Variants in CTSA observed in about 807,000 individuals in gnomAD.
The protein encoded by CTSA is cathepsin A.
A neutral mutation model predicts 66.7 loss-of-function variants in CTSA; 42 were observed. The ratio of observed to expected loss-of-function variants is 0.63; its 90% CI spans 0.49 to 0.81. The LOEUF is 0.81. Among genes scored for constraint, CTSA ranks in the 40% least tolerant of loss-of-function variants. The pLI is 0.00. For synonymous variants in CTSA, 225 were observed against 248.6 expected, an observed-to-expected ratio of 0.91 and a Z score of 0.89; for missense variants, 525 against 610.9, an observed-to-expected ratio of 0.86 and a Z score of 1.48.
intron 3 of CTSA, 42 bp from the exon 4 acceptor site, chr20:45,892,231 G>T (rs1157796322): frequency 6.2e-7 from 1 of 1,607,754 alleles, no homozygotes; most frequent in South Asian, 1.1e-5. Context: ...CCTCCACCCA[G>T]CTGGCCCTTG....
At chr20:45,893,443 A>C (rs1242960784) in intron 7 of CTSA, 132 bp downstream of exon 7, 1 of 728,264 alleles carries the variant, frequency 1.4e-6, no homozygotes, top group East Asian at 2.6e-5. Flanking sequence ...GAAAGAACCT[A>C]GTGCTGAAAG....
rs933281472 is a variant in CTSA, at chr20:45,891,494, G to T, written c.1-75G>T. The T allele has an allele frequency of 3.8e-4, 583 of 1,549,112 alleles. No individual in the cohort carries two copies. The highest frequency in any genetic ancestry group is 4.8e-4 in the Non-Finnish European group (556 of 1,147,972). ...CCGGGGCTTCCCTCGCGGAGGCGCC[G>T]CCAGCAACTCCCCGGGGGCTGCTGC... On this transcript the variant is annotated intron_variant, in intron 1 of 14. Coordinates refer to ENST00000646241, the MANE Select transcript of CTSA (RefSeq NM_000308.4). The surrounding 1 kb of genome is among the most constrained non-coding windows in gnomAD (Gnocchi z 4.6).
rs1031252355 is a variant in CTSA at position 45,898,296 on chromosome 20, G to GC, written c.1360-66dup. 2 of 1,413,766 alleles carry GC rather than the reference G, an allele frequency of 1.4e-6. No individual in the cohort carries two copies. The highest frequency in any genetic ancestry group is 2.8e-5 in the African/African-American group (2 of 70,680). 87.6% of individuals were successfully genotyped at this position (1,413,766 alleles called of 1,614,324 possible). A position where few individuals can be genotyped will look rare whatever the true frequency, so the allele number is the denominator to read the frequency against. On this transcript the variant is annotated intron_variant, in intron 14 of 14. Coordinates refer to ENST00000646241, the MANE Select transcript of CTSA (RefSeq NM_000308.4). This position sits in a 1 kb window ranked among gnomAD's most constrained non-coding sequence, Gnocchi z 4.6. Reference sequence around the variant, plus strand: ...ATAAAGGGTTTGGGATGAAGGAATTGCCCCCGAGTGAGCAGTTATATGGGG... The same window carrying GC: ...ATAAAGGGTTTGGGATGAAGGAATTGCCCCCCGAGTGAGCAGTTATATGGGG...
intron 11 of CTSA, chr20:45,896,246 C>CCCCCG (rs953261212): frequency 2.7e-5 from 4 of 148,622 alleles, no homozygotes; most frequent in African/African-American, 1.0e-4. Context: ...CTGTGGCCAC[C>CCCCCG]CCCCCCCACA....
chr20:45,898,177 C>A lies in CTSA; in HGVS notation c.1359+68C>A. On this transcript the variant is annotated intron_variant, in intron 14 of 14. Transcript: ENST00000646241. The surrounding 1 kb of genome is among the most constrained non-coding windows in gnomAD (Gnocchi z 4.6). ...AGGAGCAGGACCCACCCGTCCTTTC[C>A]CTCTGGCTGCCTTTTAGGCTGGGTC... is the stretch of plus-strand genomic sequence containing the variant. The A allele has an allele frequency of 6.5e-7, 1 of 1,530,616 alleles. No homozygotes were observed. Among genetic ancestry groups the A allele is most frequent in the Non-Finnish European group, 9.0e-7 (1 of 1,109,348 alleles). 94.8% of individuals were successfully genotyped at this position (1,530,616 alleles called of 1,614,324 possible).
intron 11 of CTSA, chr20:45,896,546 C>T: frequency 3.9e-6 from 1 of 259,250 alleles, no homozygotes; most frequent in Non-Finnish European, 7.7e-6. Flanking sequence ...GATTCTCCTG[C>T]CTCAGCCTTC....
Position 45,891,737 on chromosome 20 carries a change from T to C in CTSA, c.169T>C (p.Ser57Pro). 6.2e-7 allele frequency: 1 copy of C among 1,613,710 alleles called. No individual in the cohort carries two copies. The highest frequency in any genetic ancestry group is 8.5e-7 in the Non-Finnish European group (1 of 1,180,018). The change falls in exon 2 of 15, where the codon TCC (serine) becomes CCC (proline). Residue 57 changes from serine (S) to proline (P), a missense_variant. By Grantham distance (74) the Ser-to-Pro change is moderately conservative. Transcript: ENST00000646241. The surrounding 1 kb of genome is among the most constrained non-coding windows in gnomAD (Gnocchi z 4.6). ...FRQYSGYLKG[S>P]GSKHLHYWFV... Reference sequence around the variant, plus strand: ...CCAGTACTCCGGCTACCTCAAAGGCTCCGGCTCCAAGCACCTCCACTACTG... The same window carrying C: ...CCAGTACTCCGGCTACCTCAAAGGCCCCGGCTCCAAGCACCTCCACTACTG...
chr20:45,896,829 C>T (rs913031216), intron 11 of CTSA, 136 bp from the exon 12 acceptor site: 1 of 778,004 alleles, frequency 1.3e-6, no homozygotes, highest in East Asian at 2.5e-5. Flanking sequence ...GAGGTGGCCC[C>T]CCCCCAAAAA....
intron 11 of CTSA, 177 bp downstream of exon 11, chr20:45,895,310 T>A: frequency 2.7e-6 from 2 of 749,920 alleles, no homozygotes; most frequent in African/African-American, 3.5e-5. Context: ...CATTCTTTTA[T>A]CTTTTTTAAA....
Position 45,898,389 on chromosome 20 carries a change from C to A in CTSA, c.1382C>A (p.Thr461Asn), listed in dbSNP as rs149971062. ...TIKGAGHMVP[T>N]DKPLAAFTMF... ...CAGGGCGCCGGCCACATGGTTCCCA[C>A]CGACAAGCCCCTCGCTGCCTTCACC... is the stretch of plus-strand genomic sequence containing the variant. The change falls in exon 15 of 15, where the codon ACC (threonine) becomes AAC (asparagine). Residue 461 changes from threonine (T) to asparagine (N), a missense_variant. By Grantham distance (65) the Thr-to-Asn change is moderately conservative. This residue lies in a region of CTSA where 274 missense variants were observed against 321.1 expected (regional missense o/e 0.85). Transcript: ENST00000646241. The surrounding 1 kb of genome is among the most constrained non-coding windows in gnomAD (Gnocchi z 4.6). 1.2e-5 allele frequency: 19 copies of A among 1,614,044 alleles called. No individual in the cohort carries two copies. In the Admixed American group the frequency reaches 3.0e-4, roughly 25 times the overall value.
intron 8 of CTSA, chr20:45,894,347 A>G: frequency 1.6e-6 from 1 of 609,346 alleles, no homozygotes; most frequent in Non-Finnish European, 2.9e-6. Context: ...GTGTCTATGT[A>G]GATTATTTAA....
At chr20:45,893,374 C>T (rs1987077038) in intron 7 of CTSA, 63 bp downstream of exon 7, 1 of 1,224,292 alleles carries the variant, frequency 8.2e-7, no homozygotes, top group Admixed American at 1.7e-5. Flanking sequence ...TCAGGTCTGT[C>T]CTCCAGGCAC....
Position 45,894,973 on chromosome 20 carries a change from C to T in CTSA, c.949-21C>T, listed in dbSNP as rs761504083. The T allele has an allele frequency of 5.6e-6, 9 of 1,614,010 alleles. No homozygotes were observed. In the South Asian group the frequency reaches 8.8e-5, roughly 16 times the overall value. On this transcript the variant is annotated intron_variant, in intron 10 of 14. Coordinates refer to ENST00000646241, the MANE Select transcript of CTSA (RefSeq NM_000308.4). ...AGGGGCAGGGAAGCAGAGGCCCTGA[C>T]CCACTGTCTGTGCCTTCCAGGCACT... is the stretch of plus-strand genomic sequence containing the variant.
Position 45,898,632 on chromosome 20 carries a change from TTAGCACTTTATTCCC to T in CTSA, c.*183_*197del. ...CTCCCATAGACAGCCTGGGGGCAAG[TTAGCACTTTATTCCC>T]GCAGCAGTTCCTGAATGGGGTGGCC... On this transcript the variant is annotated 3_prime_UTR_variant, in exon 15 of 15. Coordinates refer to ENST00000646241, the MANE Select transcript of CTSA (RefSeq NM_000308.4). This position sits in a 1 kb window ranked among gnomAD's most constrained non-coding sequence, Gnocchi z 4.6. The T allele has an allele frequency of 1.4e-6, 1 of 721,494 alleles. No individual in the cohort carries two copies. Among genetic ancestry groups the T allele is most frequent in the Non-Finnish European group, 2.4e-6 (1 of 412,294 alleles). The allele number at this position is 721,494 out of a possible 1,614,324, so 44.7% of individuals were successfully genotyped here.
At chr20:45,897,419 A>G (rs2083122365) in intron 12 of CTSA, 1 of 498,764 alleles carries the variant, frequency 2.0e-6, no homozygotes, top group Non-Finnish European at 3.6e-6. Context: ...TGGGCTCTGG[A>G]GTCACATGGC....
rs1407677316 is a variant in CTSA, at chr20:45,891,513, C to G, written c.1-56C>G. ...GGCGCCGCCAGCAACTCCCCGGGGG[C>G]TGCTGCACGGAAGCGCTGAGGAGCG... On this transcript the variant is annotated intron_variant, in intron 1 of 14. Transcript: ENST00000646241. This position sits in a 1 kb window ranked among gnomAD's most constrained non-coding sequence, Gnocchi z 4.6. 23 of 1,559,184 alleles carry G rather than the reference C, an allele frequency of 1.5e-5. No homozygotes were observed. The highest frequency in any genetic ancestry group is 1.5e-5 in the Non-Finnish European group (17 of 1,154,598).
chr20:45,897,482 A>G, intron 12 of CTSA: 1 of 532,146 alleles, frequency 1.9e-6, no homozygotes, highest in South Asian at 2.0e-5. Context: ...TTTCTTAAAT[A>G]TGAGCCTCAG....
At chr20:45,897,468 C>T (rs1361477917) in intron 12 of CTSA, 3 of 521,534 alleles carry the variant, frequency 5.8e-6, no homozygotes, top group African/African-American at 1.9e-5. Context: ...TAATCTTGGG[C>T]AAATTTCTTA....
At chr20:45,895,992 C>T (rs1000072914) in intron 11 of CTSA, among the ~76,000 whole-genome samples, 2 of 152,114 alleles carry the variant, frequency 1.3e-5, no homozygotes, top group East Asian at 3.9e-4. Context: ...GTCAGGAGTT[C>T]GAGACCAGCC....
Sources: gnomAD v4.1 joint callset for allele counts (sites outside exome capture counted in the v4.1 genomes callset) on GRCh38, gnomAD v4.1.1 for gene constraint, gnomAD v4.1.1 regional missense constraint, Gnocchi (gnomAD v3.1) non-coding constraint, MANE v1.5 for transcripts, NCBI Gene and HGNC (gene_info 2026-07-23, HGNC 2026-07-21) for gene names.